SH3RF1: variants seen among roughly 807,000 people sequenced by gnomAD.
SH3RF1 encodes the protein SH3 domain containing ring finger 1, also known as E3 ubiquitin-protein ligase SH3RF1.
A neutral mutation model predicts 74.0 loss-of-function variants in SH3RF1; 32 were observed. The observed-to-expected ratio is 0.43, with a 90% CI of 0.33 to 0.58. SH3RF1 has a LOEUF of 0.58. Among genes scored for constraint, SH3RF1 ranks in the 20% least tolerant of loss-of-function variants. The probability of loss-of-function intolerance (pLI) is 0.05; values close to 1 mark genes in which losing one functional copy is unlikely to be tolerated. For synonymous variants in SH3RF1, 396 were observed against 439.6 expected (o/e 0.90, Z 1.24); for missense variants, 954 against 1,130.9 (o/e 0.84, Z 2.24).
chr4:169,137,657 T>C (rs1733720744), intron 4 of SH3RF1, among the ~76,000 whole-genome samples: 1 of 152,228 alleles, frequency 6.6e-6, no homozygotes, highest in Admixed American at 6.5e-5. Flanking sequence ...GTACTATTTT[T>C]CCCACTTAAA....
intron 2 of SH3RF1, among the ~76,000 whole-genome samples, chr4:169,241,995 AC>A (rs1455607707): frequency 3.3e-5 from 5 of 152,224 alleles, no homozygotes; most frequent in Admixed American, 6.5e-5. Context: ...CAGATTTTAA[AC>A]AAAATCTGAA....
intron 2 of SH3RF1, among the ~76,000 whole-genome samples, chr4:169,193,232 A>T (rs1734758568): frequency 6.6e-6 from 1 of 152,122 alleles, no homozygotes; most frequent in African/African-American, 2.4e-5. Context: ...AATCACCACT[A>T]AAGAACTCAC....
chr4:169,151,475 G>T lies in SH3RF1; in HGVS notation c.765+4005C>A, dbSNP rs28465681. 5.8e-3 allele frequency among the ~76,000 whole-genome samples: 888 copies of T among 152,230 alleles called. 9 individuals carry two copies. Among genetic ancestry groups the T allele is most frequent in the African/African-American group, 0.02 (846 of 41,540 alleles). ...GTAGTAGAGTCAAGATTGGAATCCT[G>T]GCCATCTGGCTCCAGAGTCCAAGCT... On this transcript the variant is annotated intron_variant, in intron 4 of 11. Coordinates refer to ENST00000284637, the MANE Select transcript of SH3RF1 (RefSeq NM_020870.4).
chr4:169,128,374 G>A (rs923572093), intron 6 of SH3RF1, among the ~76,000 whole-genome samples: 27 of 152,218 alleles, frequency 1.8e-4, no homozygotes, highest in African/African-American at 5.1e-4. Context: ...CTTCTCCTTC[G>A]CCAAGCAGCT....
At chr4:169,111,163 A>T (rs1733237766) in intron 10 of SH3RF1, among the ~76,000 whole-genome samples, 1 of 151,162 alleles carries the variant, frequency 6.6e-6, no homozygotes, top group Non-Finnish European at 1.5e-5. Context: ...TTAGCTGGGT[A>T]TGGTGGTGCA....
At chr4:169,253,882 T>C (rs986242931) in intron 2 of SH3RF1, among the ~76,000 whole-genome samples, 2 of 152,234 alleles carry the variant, frequency 1.3e-5, no homozygotes, top group Non-Finnish European at 2.9e-5. Context: ...ATATCACATA[T>C]TTTAACTTTT....
chr4:169,188,011 T>A (rs987045497), intron 2 of SH3RF1, among the ~76,000 whole-genome samples: 2 of 152,094 alleles, frequency 1.3e-5, no homozygotes, highest in South Asian at 4.2e-4. Flanking sequence ...GACGAAATGA[T>A]GCAGGCACAA....
At chr4:169,226,513 G>C (rs1466330111) in intron 2 of SH3RF1, among the ~76,000 whole-genome samples, 1 of 151,106 alleles carries the variant, frequency 6.6e-6, no homozygotes, top group Non-Finnish European at 1.5e-5. Flanking sequence ...GAGCAAGAAA[G>C]ATCAGAATAC....
intron 2 of SH3RF1, among the ~76,000 whole-genome samples, chr4:169,246,393 G>A (rs1467883951): frequency 6.6e-6 from 1 of 152,136 alleles, no homozygotes; most frequent in Non-Finnish European, 1.5e-5. Flanking sequence ...TATCACTGAA[G>A]TATCAAACTG....
rs139464384 is a variant in SH3RF1 at position 169,260,025 on chromosome 4, T to G, written c.393+8795A>C. 3.0e-4 allele frequency among the ~76,000 whole-genome samples: 45 copies of G among 152,258 alleles called. No individual in the cohort carries two copies. The East Asian group carries it at 8.1e-3, about 27-fold the overall frequency. ...ATTAAGCAATATACTAGAGAGGGGA[T>G]AGATTAATAAATGGAGTGAGCGTCT... On this transcript the variant is annotated intron_variant, in intron 2 of 11. Transcript: ENST00000284637.
chr4:169,149,977 C>T (rs1349995591), intron 4 of SH3RF1, among the ~76,000 whole-genome samples: 2 of 152,180 alleles, frequency 1.3e-5, no homozygotes, highest in Non-Finnish European at 2.9e-5. Flanking sequence ...CTTTGGAACA[C>T]AGACATTACC....
At chr4:169,149,880 AAAAT>A (rs1733948848) in intron 4 of SH3RF1, among the ~76,000 whole-genome samples, 2 of 152,302 alleles carry the variant, frequency 1.3e-5, no homozygotes, top group South Asian at 4.1e-4. Context: ...TTTTAGTTAA[AAAAT>A]AAAGTTAGCA....
At chr4:169,106,216 G>T (rs993708358) in intron 11 of SH3RF1, among the ~76,000 whole-genome samples, 3 of 151,846 alleles carry the variant, frequency 2.0e-5, no homozygotes, top group Non-Finnish European at 4.4e-5. Flanking sequence ...GGGTTCAAGC[G>T]ATTCTCCTGC....
Position 169,151,049 on chromosome 4 carries a change from G to C in SH3RF1, c.765+4431C>G, listed in dbSNP as rs138289677. ...GCAGTGAATGATGGGAGAATTAGCT[G>C]AAAAATGTAGAAGTTGGCAAAATCT... On this transcript the variant is annotated intron_variant, in intron 4 of 11. Transcript: ENST00000284637. Among the ~76,000 whole-genome samples the C allele has an allele frequency of 4.3e-3, 656 of 152,266 alleles. 6 individuals carry two copies. The highest frequency in any genetic ancestry group is 0.015 in the African/African-American group (629 of 41,554).
chr4:169,225,666 T>C (rs557154212), intron 2 of SH3RF1, among the ~76,000 whole-genome samples: 1 of 152,248 alleles, frequency 6.6e-6, no homozygotes, highest in East Asian at 1.9e-4. Context: ...TGAGGAAATG[T>C]GGATGAGCCT....
intron 4 of SH3RF1, among the ~76,000 whole-genome samples, chr4:169,137,377 T>C (rs1733717439): frequency 6.6e-6 from 1 of 152,144 alleles, no homozygotes; most frequent in Admixed American, 6.5e-5. Flanking sequence ...ACTGATATTA[T>C]CAGCAAGAAA....
chr4:169,131,886 C>T (rs1733626617), intron 5 of SH3RF1, among the ~76,000 whole-genome samples: 1 of 152,224 alleles, frequency 6.6e-6, no homozygotes, highest in South Asian at 2.1e-4. Flanking sequence ...TCACTTTAGC[C>T]TCTGATTGGT....
intron 4 of SH3RF1, among the ~76,000 whole-genome samples, chr4:169,149,376 G>A (rs1298797937): frequency 6.6e-6 from 1 of 151,968 alleles, no homozygotes; most frequent in Non-Finnish European, 1.5e-5. Context: ...CTATTGTTCT[G>A]GCAGAAGGAA....
At chr4:169,202,788 TA>T (rs1409932254) in intron 2 of SH3RF1, among the ~76,000 whole-genome samples, 2 of 152,214 alleles carry the variant, frequency 1.3e-5, no homozygotes, top group Non-Finnish European at 2.9e-5. Flanking sequence ...TGTCATCAGA[TA>T]CTTAAACTTT....
Sources: allele counts gnomAD v4.1 joint callset (sites outside exome capture counted in the v4.1 genomes callset), GRCh38; gene constraint gnomAD v4.1.1; transcripts MANE v1.5; gene names NCBI Gene and HGNC (gene_info 2026-07-23, HGNC 2026-07-21).